Variants in CSMD3 observed in about 807,000 individuals in gnomAD.
CSMD3 encodes CUB and sushi domain-containing protein 3.
Under a neutral mutation model 435.2 loss-of-function variants are expected in CSMD3, and 177 were observed. The observed-to-expected ratio is 0.41, with a 90% confidence interval of 0.36 to 0.46. CSMD3 has a LOEUF of 0.46. Ranked by LOEUF, CSMD3 falls within the 20% of genes least tolerant of loss-of-function variation. The pLI is 0.34. For synonymous variants in CSMD3, 1,656 were observed against 1,520.5 expected, an observed-to-expected ratio of 1.09 and a Z score of -2.07; for missense variants, 4,265 against 4,504.6, an observed-to-expected ratio of 0.95 and a Z score of 1.52.
intron 32 of CSMD3, among the ~76,000 whole-genome samples, chr8:112,445,450 G>T (rs188820507): frequency 7.4e-4 from 113 of 152,176 alleles, no homozygotes; most frequent in African/African-American, 2.6e-3. Context: ...CAATCATGAC[G>T]GAGGGCAAAG....
chr8:112,777,752 A>T (rs1324255073), intron 13 of CSMD3, among the ~76,000 whole-genome samples: 3 of 151,808 alleles, frequency 2.0e-5, no homozygotes, highest in African/African-American at 7.2e-5. Context: ...TTTGAGTCAA[A>T]GTTTGCCTCC....
intron 31 of CSMD3, among the ~76,000 whole-genome samples, chr8:112,479,600 C>T (rs1304682416): frequency 6.6e-6 from 1 of 152,168 alleles, no homozygotes; most frequent in Non-Finnish European, 1.5e-5. Context: ...ATCCCAGCCA[C>T]TCTGGCTTCA....
intron 1 of CSMD3, among the ~76,000 whole-genome samples, chr8:113,410,468 C>G (rs1327678447): frequency 6.6e-6 from 1 of 152,030 alleles, no homozygotes; most frequent in Non-Finnish European, 1.5e-5. Context: ...TACATCTTCC[C>G]CTCCTGCTTG....
At chr8:112,578,451 A>G (rs890319839) in intron 23 of CSMD3, among the ~76,000 whole-genome samples, 1 of 151,968 alleles carries the variant, frequency 6.6e-6, no homozygotes, top group Non-Finnish European at 1.5e-5. Flanking sequence ...GAGGCCTAAC[A>G]TAGCAGTCTC....
At chr8:113,283,299 C>A (rs1202556477) in intron 2 of CSMD3, among the ~76,000 whole-genome samples, 1 of 151,978 alleles carries the variant, frequency 6.6e-6, no homozygotes, top group Non-Finnish European at 1.5e-5. Flanking sequence ...AAGCAGACAA[C>A]CCACAGAGTG....
chr8:112,560,039 G>C (rs980457280), intron 24 of CSMD3, among the ~76,000 whole-genome samples: 51 of 151,858 alleles, frequency 3.4e-4, no homozygotes, highest in Admixed American at 6.6e-5. Flanking sequence ...AATTAATCTA[G>C]ATTTGAATTA....
intron 32 of CSMD3, among the ~76,000 whole-genome samples, chr8:112,426,791 A>G (rs1813111634): frequency 6.6e-6 from 1 of 152,210 alleles, no homozygotes; most frequent in Non-Finnish European, 1.5e-5. Context: ...TCCAGTAACT[A>G]CTTCCCTGGC....
intron 11 of CSMD3, among the ~76,000 whole-genome samples, chr8:112,848,539 A>C (rs540073047): frequency 6.6e-6 from 1 of 152,246 alleles, no homozygotes; most frequent in East Asian, 1.9e-4. Context: ...GGTCTATCTG[A>C]TAATGTCATT....
intron 57 of CSMD3, among the ~76,000 whole-genome samples, chr8:112,287,631 G>A (rs1032997173): frequency 4.6e-5 from 7 of 151,994 alleles, no homozygotes; most frequent in Non-Finnish European, 8.8e-5. Flanking sequence ...CAATTTGCAT[G>A]TTTCCTTTTC....
intron 2 of CSMD3, among the ~76,000 whole-genome samples, chr8:113,285,440 T>C (rs899047874): frequency 6.6e-6 from 1 of 152,182 alleles, no homozygotes; most frequent in East Asian, 1.9e-4. Context: ...TTTTGTTTTT[T>C]AGTAGAGACG....
intron 45 of CSMD3, among the ~76,000 whole-genome samples, chr8:112,329,309 T>C (rs1823811671): frequency 6.6e-6 from 1 of 152,086 alleles, no homozygotes; most frequent in Non-Finnish European, 1.5e-5. Context: ...GACCTTTCCA[T>C]AGGCATAATC....
intron 12 of CSMD3, among the ~76,000 whole-genome samples, chr8:112,809,132 C>T (rs1002315943): frequency 2.6e-5 from 4 of 152,092 alleles, no homozygotes; most frequent in Non-Finnish European, 4.4e-5. Flanking sequence ...TGTCCTGTGC[C>T]CAATTTAACT....
chr8:112,895,908 A>C (rs553667838), intron 10 of CSMD3, among the ~76,000 whole-genome samples: 2 of 151,540 alleles, frequency 1.3e-5, no homozygotes, highest in South Asian at 4.2e-4. Context: ...CAGAAGAAGA[A>C]AAAGTAGGTT....
chr8:112,920,618 T>C (rs1256785802), intron 10 of CSMD3, among the ~76,000 whole-genome samples: 1 of 151,806 alleles, frequency 6.6e-6, no homozygotes, highest in Non-Finnish European at 1.5e-5. Context: ...TATCTGTTAG[T>C]TTTTTTAGTA....
intron 49 of CSMD3, among the ~76,000 whole-genome samples, chr8:112,311,980 G>T (rs1822016758): frequency 6.6e-6 from 1 of 152,030 alleles, no homozygotes; most frequent in Non-Finnish European, 1.5e-5. Context: ...GTTCTTGAGG[G>T]CTAAAAGTGG....
chr8:112,746,508 A>G (rs1322751298), intron 13 of CSMD3, among the ~76,000 whole-genome samples: 1 of 152,146 alleles, frequency 6.6e-6, no homozygotes, highest in East Asian at 1.9e-4. Context: ...CAAATTTGAA[A>G]GCACCTAATA....
chr8:113,119,224 T>C (rs1240947922), intron 4 of CSMD3, among the ~76,000 whole-genome samples: 1 of 152,178 alleles, frequency 6.6e-6, no homozygotes, highest in African/African-American at 2.4e-5. Flanking sequence ...TTATATAGAC[T>C]AGACAATTTG....
At chr8:112,610,570 A>T (rs1305421005) in intron 22 of CSMD3, among the ~76,000 whole-genome samples, 3 of 152,212 alleles carry the variant, frequency 2.0e-5, no homozygotes, top group Admixed American at 2.0e-4. Flanking sequence ...ATAAAAAAAA[A>T]TTGTATATGA....
chr8:113,279,200 A>G (rs988305715), intron 2 of CSMD3, among the ~76,000 whole-genome samples: 30 of 150,218 alleles, frequency 2.0e-4, no homozygotes, highest in Admixed American at 1.8e-3. Context: ...GATATTATAT[A>G]TATAGTATAA....
Sources: allele counts gnomAD v4.1 joint callset (sites outside exome capture counted in the v4.1 genomes callset), GRCh38; gene constraint gnomAD v4.1.1; transcripts MANE v1.5; gene names NCBI Gene and HGNC (gene_info 2026-07-23, HGNC 2026-07-21).